Variants in SMCHD1 observed in about 807,000 individuals in gnomAD.
SMCHD1 encodes the protein structural maintenance of chromosomes flexible hinge domain containing 1, also known as structural maintenance of chromosomes flexible hinge domain-containing protein 1.
SMCHD1 carries 78 observed loss-of-function variants against 254.7 expected under a neutral mutation model. The ratio of observed to expected loss-of-function variants is 0.31; its 90% CI spans 0.26 to 0.37. The LOEUF (loss-of-function observed/expected upper bound fraction) is 0.37. SMCHD1 is among the 10% of genes least tolerant of loss of function. SMCHD1 has a pLI of 1.00. For missense variants in SMCHD1, 1,840 were observed against 2,408.1 expected (o/e 0.76, Z 4.94); for synonymous variants, 766 against 794.9 (o/e 0.96, Z 0.61).
rs552805543 is a variant in SMCHD1, at chr18:2,708,484, T to C, written c.2260+564T>C. On this transcript the variant is annotated intron_variant, in intron 17 of 47. Coordinates refer to ENST00000320876, the MANE Select transcript of SMCHD1 (RefSeq NM_015295.3). ...AGTTCGAGGCTACAGTGAGCTATGA[T>C]CACGCCACTGCACTCCAGCCTGGGT... 2.2e-3 allele frequency among the ~76,000 whole-genome samples: 331 copies of C among 152,140 alleles called. 3 individuals carry two copies. The highest frequency in any genetic ancestry group is 7.8e-3 in the African/African-American group (322 of 41,486).
intron 30 of SMCHD1, 126 bp from the exon 31 acceptor site, chr18:2,749,915 GAT>G: frequency 1.3e-6 from 1 of 761,716 alleles, no homozygotes; most frequent in East Asian, 2.8e-5. Context: ...TTAAAATTTA[GAT>G]TTTAGAAGTA....
rs763226355 is a variant in SMCHD1 at position 2,708,867 on chromosome 18, C to CATATAT, written c.2260+983_2260+988dup. On this transcript the variant is annotated intron_variant, in intron 17 of 47. Transcript: ENST00000320876. ...TCCCTGCTTCTATTTTCAATAACTT[C>CATATAT]ATATATATATATATATATATATATA... 6.4e-3 allele frequency among the ~76,000 whole-genome samples: 53 copies of CATATAT among 8,276 alleles called. 1 individual carries two copies. The highest frequency in any genetic ancestry group is 0.015 in the African/African-American group (38 of 2,516). 5.4% of individuals were successfully genotyped at this position (8,276 alleles called of 152,430 possible). A position where few individuals can be genotyped will look rare whatever the true frequency, so the allele number is the denominator to read the frequency against.
chr18:2,686,551 A>G (rs1040015774), intron 5 of SMCHD1, among the ~76,000 whole-genome samples: 1 of 152,132 alleles, frequency 6.6e-6, no homozygotes, highest in Non-Finnish European at 1.5e-5. Flanking sequence ...ACTTGTTTTA[A>G]GATTTTTTTT....
chr18:2,663,084 C>G (rs2073340726), intron 1 of SMCHD1, among the ~76,000 whole-genome samples: 1 of 152,032 alleles, frequency 6.6e-6, no homozygotes, highest in Non-Finnish European at 1.5e-5. Flanking sequence ...GTTGTCTGGT[C>G]TTTTTCTTTA....
At position 2,726,204 on chromosome 18, in the gene SMCHD1, C is replaced by G. The variant is rs76000522; in HGVS notation, c.2701-248C>G. Among the ~76,000 whole-genome samples the G allele has an allele frequency of 4.4e-3, 666 of 151,888 alleles. 13 individuals are homozygous for G. The East Asian group carries it at 0.046, about 10-fold the overall frequency. On this transcript the variant is annotated intron_variant, in intron 21 of 47. Transcript: ENST00000320876. Reference sequence around the variant, plus strand: ...AAAAATTGATCCTAAAATGATATTCCTATTTTGGAAAAGTAGATTCTACCA... The same window carrying G: ...AAAAATTGATCCTAAAATGATATTCGTATTTTGGAAAAGTAGATTCTACCA...
At chr18:2,794,820 CT>C (rs774744115) in intron 45 of SMCHD1, among the ~76,000 whole-genome samples, 29 of 152,142 alleles carry the variant, frequency 1.9e-4, no homozygotes, top group Non-Finnish European at 3.2e-4. Context: ...ACCTTCCAGC[CT>C]TTTGTCTATA....
intron 5 of SMCHD1, among the ~76,000 whole-genome samples, chr18:2,677,358 T>C (rs574614054): frequency 1.1e-3 from 170 of 152,342 alleles, no homozygotes; most frequent in African/African-American, 3.7e-3. Context: ...GGGTTCAATA[T>C]TTTTAATCTT....
At chr18:2,746,574 G>A (rs1490279955) in intron 29 of SMCHD1, among the ~76,000 whole-genome samples, 1 of 152,038 alleles carries the variant, frequency 6.6e-6, no homozygotes, top group African/African-American at 2.4e-5. Flanking sequence ...CAATCTCAAG[G>A]GTGTTTGGTT....
chr18:2,666,533 A>G (rs1249641650), intron 2 of SMCHD1, among the ~76,000 whole-genome samples: 1 of 152,114 alleles, frequency 6.6e-6, no homozygotes, highest in Non-Finnish European at 1.5e-5. Flanking sequence ...TTTTTAACCT[A>G]ATTAGTTTTC....
chr18:2,710,521 A>G (rs1360695736), intron 17 of SMCHD1, among the ~76,000 whole-genome samples: 1 of 152,222 alleles, frequency 6.6e-6, no homozygotes, highest in Non-Finnish European at 1.5e-5. Context: ...ATCCGTGAAC[A>G]TGATTTTGTA....
intron 45 of SMCHD1, among the ~76,000 whole-genome samples, chr18:2,791,669 C>A (rs545926094): frequency 3.7e-4 from 56 of 152,316 alleles, no homozygotes; most frequent in South Asian, 2.1e-3. Context: ...GTGGTTGTTT[C>A]AGCTTACTGC....
At position 2,747,639 on chromosome 18, in the gene SMCHD1, A is replaced by G; in HGVS notation, c.3919A>G (p.Asn1307Asp). The G allele has an allele frequency of 6.3e-7, 1 of 1,580,788 alleles. No individual in the cohort carries two copies. Among genetic ancestry groups the G allele is most frequent in the Non-Finnish European group, 8.6e-7 (1 of 1,162,672 alleles). Residue 1307 changes from asparagine to aspartate, a missense_variant, in exon 30 of 48, where the codon AAT becomes GAT. By Grantham distance (23) the Asn-to-Asp change is conservative (BLOSUM62 1). Transcript: ENST00000320876. The stretch of plus-strand genomic sequence containing the variant: ...TAAAATAAGTCTTACAAAAGCTAGC[A>G]ATTTAAAGGTAAGTTTTAAACTTCC... ...HVKISLTKAS[N>D]LKLMPSNQQH...
chr18:2,733,464 G>A (rs1479357655), intron 25 of SMCHD1, among the ~76,000 whole-genome samples: 1 of 152,226 alleles, frequency 6.6e-6, no homozygotes, highest in African/African-American at 2.4e-5. Flanking sequence ...AGTGGTGGAA[G>A]GAAGGTTATC....
rs185137363 is a variant in SMCHD1, at chr18:2,750,451, G to T, written c.4109G>T (p.Arg1370Leu). 6.2e-7 allele frequency: 1 copy of T among 1,610,936 alleles called. No homozygotes were observed. Among genetic ancestry groups the T allele is most frequent in the Non-Finnish European group, 8.5e-7 (1 of 1,178,256 alleles). The change falls in exon 32 of 48, where the codon CGT becomes CTT. Residue 1370 changes from arginine to leucine, a missense_variant. Physicochemically the swap from Arg to Leu is moderately radical, Grantham distance 102. Coordinates refer to ENST00000320876, the MANE Select transcript of SMCHD1 (RefSeq NM_015295.3). ...CTTCCAGACCCAGAAAAACCCGTTC[G>T]TCTCAATGTTAAATATGACAAAGAT... The part of the protein sequence containing the change: ...MILPDPEKPV[R>L]LNVKYDKDAS...
rs1568422498 is a variant in SMCHD1 at position 2,803,196 on chromosome 18, GTGTATA to G, written c.*646_*651del. On this transcript the variant is annotated 3_prime_UTR_variant, in exon 48 of 48. Transcript: ENST00000320876. The stretch of plus-strand genomic sequence containing the variant: ...AGACTTATCCTGTGTGTGTGTGTGT[GTGTATA>G]TATATATATATATATAAATATATAT... The G allele has an allele frequency of 2.8e-5, 3 of 108,722 alleles. No homozygotes were observed. The South Asian group carries it at 9.4e-4, about 34-fold the overall frequency. 6.7% of individuals were successfully genotyped at this position (108,722 alleles called of 1,614,324 possible). A position where few individuals can be genotyped will look rare whatever the true frequency, so the allele number is the denominator to read the frequency against.
intron 47 of SMCHD1, among the ~76,000 whole-genome samples, chr18:2,797,483 T>G (rs2076283219): frequency 6.6e-6 from 1 of 152,252 alleles, no homozygotes; most frequent in Non-Finnish European, 1.5e-5. Context: ...TTTGCCATAT[T>G]CATCTGCGTA....
At chr18:2,760,064 T>C (rs1482209901) in intron 34 of SMCHD1, among the ~76,000 whole-genome samples, 1 of 152,202 alleles carries the variant, frequency 6.6e-6, no homozygotes, top group Non-Finnish European at 1.5e-5. Context: ...ATGCAAAAGC[T>C]ACCCTAGGGA....
chr18:2,712,926 T>A (rs1024716193), intron 17 of SMCHD1, among the ~76,000 whole-genome samples: 2 of 152,224 alleles, frequency 1.3e-5, no homozygotes, highest in African/African-American at 4.8e-5. Context: ...GATCTCATCC[T>A]CACTTACCAT....
At chr18:2,699,302 C>T (rs774102706) in intron 10 of SMCHD1, among the ~76,000 whole-genome samples, 1 of 152,142 alleles carries the variant, frequency 6.6e-6, no homozygotes, top group Non-Finnish European at 1.5e-5. Context: ...CTGCCCAGTA[C>T]ATATTGTTAC....
Sources: allele counts gnomAD v4.1 joint callset (sites outside exome capture counted in the v4.1 genomes callset), GRCh38; gene constraint gnomAD v4.1.1; transcripts MANE v1.5; gene names NCBI Gene and HGNC (gene_info 2026-07-23, HGNC 2026-07-21).